CEP131: variants seen among roughly 807,000 people sequenced by gnomAD.
CEP131 encodes the protein centrosomal protein of 131 kDa.
A neutral mutation model predicts 136.8 loss-of-function variants in CEP131; 99 were observed. The observed-to-expected ratio is 0.72, with a 90% CI of 0.62 to 0.86. The LOEUF is 0.86. CEP131 is among the 40% of genes least tolerant of loss of function. CEP131 has a pLI of 0.00. For missense variants in CEP131, 1,459 were observed against 1,463.0 expected (o/e 1.00, Z 0.04); for synonymous variants, 646 against 612.7 (o/e 1.05, Z -0.80).
intron 2 of CEP131, among the ~76,000 whole-genome samples, chr17:81,214,502 G>C (rs1319219058): frequency 6.6e-6 from 1 of 152,016 alleles, no homozygotes; most frequent in Non-Finnish European, 1.5e-5. Context: ...ATTGCGGTGA[G>C]GTGAAATCAC....
rs1467412683 is a variant in CEP131, at chr17:81,219,760, C to A, written c.177+120G>T. On this transcript the variant is annotated intron_variant, in intron 2 of 25. Coordinates refer to ENST00000450824, the MANE Select transcript of CEP131 (RefSeq NM_014984.4). The surrounding 1 kb of genome is among the most constrained non-coding windows in gnomAD (Gnocchi z 4.0). ...TGCCTCCTGGAACAGCCACGAGGAT[C>A]CAGCATGTCCAGATGTGAGGCACTT... is the stretch of plus-strand genomic sequence containing the variant. 4 of 1,092,122 alleles carry A rather than the reference C, an allele frequency of 3.7e-6. No homozygotes were observed. The highest frequency in any genetic ancestry group is 3.8e-6 in the Non-Finnish European group (3 of 797,694). The allele number at this position is 1,092,122 out of a possible 1,614,324, so 67.7% of individuals were successfully genotyped here.
Position 81,191,008 on chromosome 17 carries a change from A to G in CEP131, c.2842T>C (p.Cys948Arg), listed in dbSNP as rs543818414. The G allele has an allele frequency of 3.1e-6, 5 of 1,609,698 alleles. No individual in the cohort carries two copies. In the South Asian group the frequency reaches 4.4e-5, roughly 14 times the overall value. Residue 948 changes from cysteine to arginine, a missense_variant, in exon 23 of 26, where the codon TGC becomes CGC. By Grantham distance (180) the Cys-to-Arg change is radical. Around this residue, in one of 3 missense-constraint regions of CEP131, gnomAD observed 1,026 missense variants for 964.2 expected, o/e 1.06. Transcript: ENST00000450824. ...EQSERKLQERCSELKGQLGEA... is the reference protein window; with the variant it reads ...EQSERKLQERRSELKGQLGEA... Reference sequence around the variant, plus strand: ...CCAAGCTGGCCCTTCAGCTCCGAGCACCGCTCCTGAAGCTTCCGCTCCGAC... The same window carrying G: ...CCAAGCTGGCCCTTCAGCTCCGAGCGCCGCTCCTGAAGCTTCCGCTCCGAC...
intron 10 of CEP131, 85 bp from the exon 11 acceptor site, chr17:81,199,056 G>T: frequency 7.6e-7 from 1 of 1,310,228 alleles, no homozygotes; most frequent in Non-Finnish European, 1.0e-6. Context: ...AAGGAGCCAG[G>T]CATGGGGGAG....
At chr17:81,205,904 A>G (rs1011549535) in intron 5 of CEP131, among the ~76,000 whole-genome samples, 1 of 152,164 alleles carries the variant, frequency 6.6e-6, no homozygotes, top group Non-Finnish European at 1.5e-5. Flanking sequence ...ACTTAAAAAT[A>G]AATTAAAAAG....
chr17:81,192,812 C>A lies in CEP131; in HGVS notation c.2353G>T (p.Ala785Ser). 6.3e-7 allele frequency: 1 copy of A among 1,598,564 alleles called. No individual in the cohort carries two copies. The highest frequency in any genetic ancestry group is 8.5e-7 in the Non-Finnish European group (1 of 1,179,226). The change falls in exon 19 of 26, where the codon GCG becomes TCG. Residue 785 changes from alanine to serine, a missense_variant. Ala to Ser is a moderately conservative substitution (Grantham distance 99). Around this residue, in one of 3 missense-constraint regions of CEP131, gnomAD observed 1,026 missense variants for 964.2 expected, o/e 1.06. Coordinates refer to ENST00000450824, the MANE Select transcript of CEP131 (RefSeq NM_014984.4). The part of the protein sequence containing the change: ...FQQHLEQEQW[A>S]LQQQRQRLYS... ...AGCCGCTGCCGTTGCTGCTGCAGCG[C>A]CCACTGCTCCTGCTCCAGGTGCTGC...
chr17:81,207,523 T>A (rs1272877571), intron 3 of CEP131, among the ~76,000 whole-genome samples: 1 of 151,432 alleles, frequency 6.6e-6, no homozygotes, highest in African/African-American at 2.4e-5. Context: ...TTTTTTTTTT[T>A]ATGTTAGTAG....
Position 81,199,410 on chromosome 17 carries a change from G to T in CEP131, c.1163C>A (p.Ala388Asp). Reference protein sequence around the residue: ...QELSPTPGGTAHQALKANNTG... With the variant: ...QELSPTPGGTDHQALKANNTG... The stretch of plus-strand genomic sequence containing the variant: ...ATTGTTGGCCTTGAGGGCCTGGTGG[G>T]CAGTGCCGCCTGGTGTGGGGGACAG... The change falls in exon 10 of 26, where the codon GCC becomes GAC. Residue 388 changes from alanine (A) to aspartate (D), a missense_variant. Ala to Asp is a moderately radical substitution (Grantham distance 126). This residue lies in a region of CEP131 where 1,026 missense variants were observed against 964.2 expected (regional missense o/e 1.06). Transcript: ENST00000450824. 6.2e-7 allele frequency: 1 copy of T among 1,605,648 alleles called. No individual in the cohort carries two copies. Among genetic ancestry groups the T allele is most frequent in the Non-Finnish European group, 8.5e-7 (1 of 1,177,424 alleles).
chr17:81,190,564 G>A, intron 24 of CEP131, 75 bp downstream of exon 24: 11 of 1,436,054 alleles, frequency 7.7e-6, no homozygotes, highest in Non-Finnish European at 1.0e-5. Context: ...AGCCTCCTGG[G>A]GCTTGGAGCT....
chr17:81,196,961 T>A lies in CEP131; in HGVS notation c.1742A>T (p.Lys581Met). 6.2e-7 allele frequency: 1 copy of A among 1,608,910 alleles called. No individual in the cohort carries two copies. The highest frequency in any genetic ancestry group is 8.5e-7 in the Non-Finnish European group (1 of 1,178,142). The change falls in exon 14 of 26, where the codon AAG (lysine) becomes ATG (methionine). Residue 581 changes from lysine (K) to methionine (M), a missense_variant. Lys to Met is a moderately conservative substitution (Grantham distance 95). Transcript: ENST00000450824. ...MRLKLEVEEK[K>M]QAMLLLQRAL... is the part of the protein sequence containing the mutation. ...TCTCTGCAGCAGCAGCATGGCCTGC[T>A]TCTTCTCCTCCACCTCCAGCTTCAG...
chr17:81,192,679 G>T, intron 19 of CEP131, 57 bp downstream of exon 19: 1 of 1,048,304 alleles, frequency 9.5e-7, no homozygotes, highest in Non-Finnish European at 1.4e-6. Flanking sequence ...GGGGCGGGGG[G>T]GAGGGGTCAG....
chr17:81,220,157 C>A, intron 1 of CEP131, 84 bp from the exon 2 acceptor site: 1 of 1,184,644 alleles, frequency 8.4e-7, no homozygotes, highest in African/African-American at 1.6e-5. Context: ...CCAGCCTCAG[C>A]TGGGTCCACT....
In CEP131 at chr17:81,198,305, A is replaced by G; in HGVS notation, c.1288-8T>C. The stretch of plus-strand genomic sequence containing the variant: ...ATCCTGGGCAAGAACGTCCTGCAAA[A>G]GAGCAGGGAGACAGATGCAGCAAGG... On this transcript the variant is annotated splice_polypyrimidine_tract_variant and splice_region_variant and intron_variant, in intron 11 of 25. Transcript: ENST00000450824. 1.9e-6 allele frequency: 3 copies of G among 1,585,606 alleles called. No individual in the cohort carries two copies. Among genetic ancestry groups the G allele is most frequent in the Middle Eastern group, 1.7e-4 (1 of 5,944 alleles).
chr17:81,211,445 T>C (rs1286798050), intron 2 of CEP131, among the ~76,000 whole-genome samples: 3 of 152,110 alleles, frequency 2.0e-5, no homozygotes, highest in Non-Finnish European at 2.9e-5. Context: ...GAGGAGAGGA[T>C]TGACAAGGGG....
In CEP131 at chr17:81,202,339, G is replaced by C. The variant is rs199521424; in HGVS notation, c.689C>G (p.Pro230Arg). 1 of 1,613,604 alleles carries C rather than the reference G, an allele frequency of 6.2e-7. No homozygotes were observed. The highest frequency in any genetic ancestry group is 8.5e-7 in the Non-Finnish European group (1 of 1,179,914). Residue 230 changes from proline (P) to arginine (R), a missense_variant, in exon 7 of 26, where the codon CCG (proline) becomes CGG (arginine). Transcript: ENST00000450824. ...GSESSGFGKL[P>R]KNVSSATHSA... ...GTGGGTGGCACTGGAGACATTCTTC[G>C]GCAGCTTCCCAAAGCCGCTGCTCTC... is the stretch of plus-strand genomic sequence containing the variant.
chr17:81,196,780 T>G lies in CEP131; in HGVS notation c.1820A>C (p.Lys607Thr). 1.3e-6 allele frequency: 2 copies of G among 1,588,532 alleles called. No individual in the cohort carries two copies. Among genetic ancestry groups the G allele is most frequent in the Non-Finnish European group, 1.7e-6 (2 of 1,168,436 alleles). The change falls in exon 15 of 26, where the codon AAG becomes ACG. Residue 607 changes from lysine to threonine, a missense_variant. Around this residue, in one of 3 missense-constraint regions of CEP131, gnomAD observed 1,026 missense variants for 964.2 expected, o/e 1.06. Transcript: ENST00000450824. Reference protein sequence around the residue: ...LTARRVKETEKALSRQLQRQR... With the variant: ...LTARRVKETETALSRQLQRQR... Reference sequence around the variant, plus strand: ...CCGCTGCAGCTGCCGGCTCAGCGCCTTCTCTGTCTCCTTGACCCGCCGGGC... The same window carrying G: ...CCGCTGCAGCTGCCGGCTCAGCGCCGTCTCTGTCTCCTTGACCCGCCGGGC...
In CEP131 at chr17:81,219,928, G is replaced by A. The variant is rs750071274; in HGVS notation, c.129C>T (p.Val43=). 2.5e-6 allele frequency: 4 copies of A among 1,612,140 alleles called. No homozygotes were observed. Among genetic ancestry groups the A allele is most frequent in the Admixed American group, 1.7e-5 (1 of 59,742 alleles). The change falls in exon 2 of 26, where the codon GTC becomes GTT. Residue 43 remains valine (V), a synonymous_variant. Coordinates refer to ENST00000450824, the MANE Select transcript of CEP131 (RefSeq NM_014984.4). The surrounding 1 kb of genome is among the most constrained non-coding windows in gnomAD (Gnocchi z 4.0). ...TGCCTGTGACCACGGAGACAGAGCG[G>A]ACGATGGGCTTGGTGGTGGCGGCAC... ...PGSAATTKPI[V]RSVSVVTGSE... is the part of the protein sequence containing the mutation.
chr17:81,212,361 C>T (rs1192117222), intron 2 of CEP131, among the ~76,000 whole-genome samples: 2 of 151,656 alleles, frequency 1.3e-5, no homozygotes, highest in Admixed American at 1.3e-4. Flanking sequence ...AGATGTTCAG[C>T]CTCACTCACA....
rs543110356 is a variant in CEP131, at chr17:81,207,036, C to T, written c.387+89G>A. The T allele has an allele frequency of 1.4e-3, 2,182 of 1,530,546 alleles. 46 individuals carry two copies. In the South Asian group the frequency reaches 0.024, roughly 17 times the overall value. The allele number at this position is 1,530,546 out of a possible 1,614,324, so 94.8% of individuals were successfully genotyped here. On this transcript the variant is annotated intron_variant, in intron 4 of 25. Transcript: ENST00000450824. The stretch of plus-strand genomic sequence containing the variant: ...AAGCTTGACACCCTCCCTGCAGTGC[C>T]CTTTTGCAAAGGCAGTGAGAACAAA...
At chr17:81,211,408 A>G (rs9913021) in intron 2 of CEP131, among the ~76,000 whole-genome samples, 68,270 of 152,128 alleles carry the variant, frequency 0.45, 15,813 homozygotes, top group African/African-American at 0.49. Context: ...CAAGTGCCCA[A>G]AAGAGAGACC....
Sources: allele counts gnomAD v4.1 joint callset (sites outside exome capture counted in the v4.1 genomes callset), GRCh38; gene constraint gnomAD v4.1.1; regional missense constraint gnomAD v4.1.1; non-coding constraint Gnocchi (gnomAD v3.1); transcripts MANE v1.5; gene names NCBI Gene and HGNC (gene_info 2026-07-23, HGNC 2026-07-21).